The following STXBP5L variants were observed in gnomAD, a reference collection of about 807,000 sequenced individuals.
STXBP5L encodes syntaxin-binding protein 5-like.
In STXBP5L, 65 loss-of-function variants were observed where a neutral mutation model predicts 144.5. The observed-to-expected ratio is 0.45, with a 90% confidence interval of 0.37 to 0.55. STXBP5L has a LOEUF of 0.55. STXBP5L is among the 20% of genes least tolerant of loss of function. The pLI, the probability that STXBP5L is intolerant of heterozygous loss-of-function variation, is 0.00. For missense variants in STXBP5L, 1,298 were observed against 1,405.5 expected (o/e 0.92, Z 1.22); for synonymous variants, 505 against 469.6 (o/e 1.08, Z -0.97).
intron 3 of STXBP5L, among the ~76,000 whole-genome samples, chr3:121,021,574 A>G (rs1405876447): frequency 2.0e-5 from 3 of 152,148 alleles, no homozygotes; most frequent in East Asian, 1.9e-4. Context: ...TGCTCTCTCT[A>G]TTATAGTGGA....
chr3:121,350,241 G>C (rs1032488358), intron 20 of STXBP5L, among the ~76,000 whole-genome samples: 1 of 152,066 alleles, frequency 6.6e-6, no homozygotes, highest in African/African-American at 2.4e-5. Flanking sequence ...TGGATATGAA[G>C]TTCTGGGTTG....
chr3:120,934,904 T>C (rs73858218), intron 2 of STXBP5L, among the ~76,000 whole-genome samples: 2,925 of 152,082 alleles, frequency 0.019, 103 homozygotes, highest in African/African-American at 0.067. Context: ...AGTGGGTTTC[T>C]TGTAGACAAC....
intron 3 of STXBP5L, among the ~76,000 whole-genome samples, chr3:121,007,280 T>G (rs1944404085): frequency 1.3e-5 from 2 of 152,090 alleles, no homozygotes; most frequent in African/African-American, 2.4e-5. Context: ...TTGTTCTTTT[T>G]GATCACTGAG....
rs780383025 is a variant in STXBP5L at position 121,121,717 on chromosome 3, A to C, written c.669+13A>C. Reference sequence around the variant, plus strand: ...AGATGAAGGCAAAGTGAGTATTATGATATCTTTATTATTAGTTTTATTTTC... The same window carrying C: ...AGATGAAGGCAAAGTGAGTATTATGCTATCTTTATTATTAGTTTTATTTTC... On this transcript the variant is annotated intron_variant, in intron 7 of 26. Coordinates refer to ENST00000471454, the MANE Select transcript of STXBP5L (RefSeq NM_001308330.2). The C allele has an allele frequency of 6.4e-7, 1 of 1,573,238 alleles. No homozygotes were observed. Among genetic ancestry groups the C allele is most frequent in the South Asian group, 1.1e-5 (1 of 88,364 alleles).
intron 11 of STXBP5L, among the ~76,000 whole-genome samples, chr3:121,226,349 T>C (rs2049123274): frequency 6.6e-6 from 1 of 152,142 alleles, no homozygotes; most frequent in Non-Finnish European, 1.5e-5. Context: ...AAGAACTGCA[T>C]AGTTTGCTAG....
chr3:121,008,424 G>C (rs1440035281), intron 3 of STXBP5L, among the ~76,000 whole-genome samples: 1 of 151,926 alleles, frequency 6.6e-6, no homozygotes, highest in Non-Finnish European at 1.5e-5. Context: ...AATTTATATA[G>C]ACAGGAAGTG....
At chr3:121,175,103 C>T (rs565427963) in intron 9 of STXBP5L, among the ~76,000 whole-genome samples, 1 of 152,236 alleles carries the variant, frequency 6.6e-6, no homozygotes, top group South Asian at 2.1e-4. Context: ...GTCCACACAC[C>T]AGTTTGCCAA....
At chr3:121,399,776 G>A (rs959867258) in intron 22 of STXBP5L, among the ~76,000 whole-genome samples, 4 of 152,230 alleles carry the variant, frequency 2.6e-5, no homozygotes, top group Non-Finnish European at 4.4e-5. Flanking sequence ...CAGCGTGGGC[G>A]TTACGGCCAT....
intron 5 of STXBP5L, among the ~76,000 whole-genome samples, chr3:121,098,546 A>G (rs956180820): frequency 2.0e-5 from 3 of 152,204 alleles, no homozygotes; most frequent in Admixed American, 6.5e-5. Flanking sequence ...CCCAAACACT[A>G]TACCCATTTC....
chr3:120,991,974 T>A (rs1942932921), intron 3 of STXBP5L, among the ~76,000 whole-genome samples: 1 of 152,108 alleles, frequency 6.6e-6, no homozygotes, highest in Admixed American at 6.6e-5. Flanking sequence ...AAAAAATCCA[T>A]ATAGTGATTG....
intron 5 of STXBP5L, among the ~76,000 whole-genome samples, chr3:121,081,389 A>T (rs986761739): frequency 2.0e-5 from 3 of 152,040 alleles, no homozygotes; most frequent in African/African-American, 7.2e-5. Flanking sequence ...TTCTGCTCTT[A>T]AGGATCAAAC....
chr3:121,094,638 C>T (rs1178388298), intron 5 of STXBP5L, among the ~76,000 whole-genome samples: 1 of 152,000 alleles, frequency 6.6e-6, no homozygotes, highest in African/African-American at 2.4e-5. Context: ...GATCTTCCTC[C>T]ATCCTTTTAT....
In STXBP5L at chr3:121,383,867, A is replaced by G. The variant is rs192218489; in HGVS notation, c.2587+2335A>G. Among the ~76,000 whole-genome samples, 5 of 152,182 alleles carry G rather than the reference A, an allele frequency of 3.3e-5. No homozygotes were observed. In the East Asian group the frequency reaches 9.7e-4, roughly 29 times the overall value. On this transcript the variant is annotated intron_variant, in intron 22 of 26. Coordinates refer to ENST00000471454, the MANE Select transcript of STXBP5L (RefSeq NM_001308330.2). ...ATGGGAACTATTATGGGTACTGTTT[A>G]TGTTATTATGGTTGCTGCCATAGCT...
chr3:121,030,450 G>C (rs547771920), intron 3 of STXBP5L, among the ~76,000 whole-genome samples: 25 of 152,206 alleles, frequency 1.6e-4, no homozygotes, highest in African/African-American at 6.0e-4. Context: ...AACACTGCAT[G>C]TTCTCACTCA....
intron 9 of STXBP5L, among the ~76,000 whole-genome samples, chr3:121,201,952 C>T (rs1017559769): frequency 6.6e-6 from 1 of 152,172 alleles, no homozygotes; most frequent in African/African-American, 2.4e-5. Context: ...GACAGGGTTT[C>T]ACCATGTTGG....
intron 3 of STXBP5L, among the ~76,000 whole-genome samples, chr3:121,013,020 G>A (rs1434244556): frequency 3.7e-5 from 1 of 27,090 alleles, no homozygotes; most frequent in African/African-American, 1.6e-4. Flanking sequence ...CAATGGACAC[G>A]ATTTTATTCT....
intron 22 of STXBP5L, among the ~76,000 whole-genome samples, chr3:121,405,230 C>T (rs1199012010): frequency 6.6e-6 from 1 of 152,020 alleles, no homozygotes; most frequent in East Asian, 1.9e-4. Flanking sequence ...AAGAGGTTGG[C>T]AGGGGATGCA....
intron 22 of STXBP5L, among the ~76,000 whole-genome samples, chr3:121,389,336 C>T (rs2046515017): frequency 6.6e-6 from 1 of 152,282 alleles, no homozygotes; most frequent in Middle Eastern, 3.4e-3. Flanking sequence ...AAAAAACCAG[C>T]TTCTGGATTC....
chr3:121,187,505 A>T (rs960862999), intron 9 of STXBP5L, among the ~76,000 whole-genome samples: 1 of 151,924 alleles, frequency 6.6e-6, no homozygotes, highest in Non-Finnish European at 1.5e-5. Flanking sequence ...ACATGTATAC[A>T]TATGTAACAA....
Sources: gnomAD v4.1 joint callset for allele counts (sites outside exome capture counted in the v4.1 genomes callset) on GRCh38, gnomAD v4.1.1 for gene constraint, MANE v1.5 for transcripts, NCBI Gene and HGNC (gene_info 2026-07-23, HGNC 2026-07-21) for gene names.